Variants in OR3A2 observed in about 807,000 individuals in gnomAD.
OR3A2 encodes olfactory receptor 3A2.
For synonymous variants in OR3A2, 126 were observed against 159.3 expected, an observed-to-expected ratio of 0.79 and a Z score of 1.57; for missense variants, 318 against 392.8, an observed-to-expected ratio of 0.81 and a Z score of 1.61.
In OR3A2 at chr17:3,278,391, T is replaced by A. The variant is rs1003782497; in HGVS notation, c.527A>T (p.Glu176Val). The change falls in exon 2 of 2, where the codon GAG becomes GTG. Residue 176 changes from glutamate (E) to valine (V), a missense_variant. Glu to Val is a moderately radical substitution (Grantham distance 121, BLOSUM62 -2). Coordinates refer to ENST00000642052, the Ensembl canonical transcript of OR3A2. The stretch of plus-strand genomic sequence containing the variant: ...GAGGTCACAGTAGAAGTGATTGACC[T>A]CATTGGGGCCACAGAAGTTGAGCGT... The A allele has an allele frequency of 2.0e-5, 32 of 1,614,128 alleles. No homozygotes were observed. The African/African-American group carries it at 3.2e-4, about 16-fold the overall frequency.
At chr17:3,362,605 C>A (rs143544393) in intron 2 of OR3A2, among the ~76,000 whole-genome samples, 1 of 151,750 alleles carries the variant, frequency 6.6e-6, no homozygotes, top group African/African-American at 2.4e-5. Flanking sequence ...ACCACAGATT[C>A]TGGTACGTTG....
chr17:3,378,486 G>C (rs1379459544), intron 2 of OR3A2, among the ~76,000 whole-genome samples: 1 of 152,168 alleles, frequency 6.6e-6, no homozygotes. Flanking sequence ...CCCTAAGAGT[G>C]CAGGGATGCT....
intron 3 of OR3A2, among the ~76,000 whole-genome samples, chr17:3,331,343 C>T (rs1339748398): frequency 1.3e-5 from 2 of 152,162 alleles, no homozygotes; most frequent in African/African-American, 2.4e-5. Context: ...CCATCACTTT[C>T]AGGTACACCA....
chr17:3,318,516 C>T (rs973376233), intron 3 of OR3A2, among the ~76,000 whole-genome samples: 3 of 152,288 alleles, frequency 2.0e-5, no homozygotes, highest in Non-Finnish European at 4.4e-5. Flanking sequence ...TTATCGAGAC[C>T]GCATTCCTCC....
intron 3 of OR3A2, among the ~76,000 whole-genome samples, chr17:3,330,801 C>G (rs1291305351): frequency 6.6e-6 from 1 of 151,680 alleles, no homozygotes; most frequent in African/African-American, 2.4e-5. Flanking sequence ...CAGTTTCTTC[C>G]TATTCTCGAT....
intron 3 of OR3A2, among the ~76,000 whole-genome samples, chr17:3,318,179 C>G (rs1283908657): frequency 6.6e-6 from 1 of 152,064 alleles, no homozygotes; most frequent in South Asian, 2.1e-4. Flanking sequence ...CTAATTAGCT[C>G]CCAAATGAGA....
intron 2 of OR3A2, among the ~76,000 whole-genome samples, chr17:3,378,638 C>T (rs230406): frequency 0.41 from 61,683 of 151,930 alleles, 12,850 homozygotes; most frequent in Admixed American, 0.52. Context: ...GGCCGCACCT[C>T]CCCTGCTGCA....
chr17:3,329,060 C>T (rs1200988464), intron 3 of OR3A2, among the ~76,000 whole-genome samples: 3 of 151,182 alleles, frequency 2.0e-5, no homozygotes, highest in East Asian at 3.9e-4. Context: ...AGGGATGAAG[C>T]CCACTTGATC....
rs183569371 is a variant in OR3A2 at position 3,279,086 on chromosome 17, G to A, written c.-6-163C>T. The A allele has an allele frequency of 6.0e-5, 75 of 1,243,026 alleles. No homozygotes were observed. The East Asian group carries it at 1.6e-3, about 27-fold the overall frequency. The allele number at this position is 1,243,026 out of a possible 1,614,324, so 77.0% of individuals were successfully genotyped here. A position where few individuals can be genotyped will look rare whatever the true frequency, so the allele number is the denominator to read the frequency against. On this transcript the variant is annotated intron_variant, in intron 1 of 1. Coordinates refer to ENST00000642052, the Ensembl canonical transcript of OR3A2. ...CCTCAATGCCTTTACCTTGCTCTTG[G>A]TTGACATGCCCAATGACACCACCAC...
At chr17:3,382,981 G>C (rs560227525) in intron 2 of OR3A2, among the ~76,000 whole-genome samples, 1 of 152,156 alleles carries the variant, frequency 6.6e-6, no homozygotes, top group Non-Finnish European at 1.5e-5. Flanking sequence ...TGAATTGTAC[G>C]GCTGAGCCAT....
intron 3 of OR3A2, among the ~76,000 whole-genome samples, chr17:3,319,754 T>C (rs545306252): frequency 3.9e-5 from 6 of 152,338 alleles, no homozygotes; most frequent in South Asian, 2.1e-4. Flanking sequence ...ATGTGCCACA[T>C]TTTCTTAATC....
intron 2 of OR3A2, among the ~76,000 whole-genome samples, chr17:3,354,460 A>G (rs950888369): frequency 6.6e-6 from 1 of 151,028 alleles, no homozygotes; most frequent in Non-Finnish European, 1.5e-5. Context: ...TCATCTCATT[A>G]TTATTATTGG....
intron 1 of OR3A2, among the ~76,000 whole-genome samples, chr17:3,281,888 T>C (rs2048778932): frequency 6.6e-6 from 1 of 152,112 alleles, no homozygotes; most frequent in African/African-American, 2.4e-5. Context: ...ACCAAGAATT[T>C]TGATTTAATT....
rs552813007 is a variant in OR3A2, at chr17:3,304,226, G to A, written c.-84-25073C>T. 6.6e-5 allele frequency among the ~76,000 whole-genome samples: 10 copies of A among 152,046 alleles called. No homozygotes were observed. The South Asian group carries it at 1.0e-3, about 16-fold the overall frequency. On this transcript the variant is annotated intron_variant, in intron 3 of 4. Transcript: ENST00000573491. ...ACTGCCTTATAGTGTTTTTCTCTCCGGATGTTAGAGTTTTCTCTCATGCAC... is the reference window on the plus strand; with the variant it reads ...ACTGCCTTATAGTGTTTTTCTCTCCAGATGTTAGAGTTTTCTCTCATGCAC...
At chr17:3,286,833 G>A (rs974186015), upstream of OR3A2, among the ~76,000 whole-genome samples, 3 of 152,108 alleles carry the variant, frequency 2.0e-5, no homozygotes, top group African/African-American at 7.2e-5. Context: ...TTTGTCAGAT[G>A]GATAGATTGC....
chr17:3,363,508 C>T (rs1451883639), intron 2 of OR3A2, among the ~76,000 whole-genome samples: 3 of 151,774 alleles, frequency 2.0e-5, no homozygotes, highest in African/African-American at 7.3e-5. Flanking sequence ...TCACTGTCAG[C>T]ATTTCGGTCA....
At chr17:3,283,567 A>T (rs1421083640) in intron 1 of OR3A2, among the ~76,000 whole-genome samples, 2 of 152,162 alleles carry the variant, frequency 1.3e-5, no homozygotes, top group African/African-American at 2.4e-5. Flanking sequence ...TAAAATGTGT[A>T]CGATATCATC....
intron 3 of OR3A2, among the ~76,000 whole-genome samples, chr17:3,304,813 C>CT (rs11393704): frequency 0.19 from 28,749 of 152,056 alleles, 4,264 homozygotes; most frequent in African/African-American, 0.41. Context: ...CGATGGAATA[C>CT]TTCAGCAATA....
chr17:3,365,409 G>C (rs1312408899), intron 2 of OR3A2, among the ~76,000 whole-genome samples: 1 of 152,218 alleles, frequency 6.6e-6, no homozygotes, highest in African/African-American at 2.4e-5. Flanking sequence ...CTCATGAGTG[G>C]ATGTGTGTCA....
Sources: allele counts gnomAD v4.1 joint callset (sites outside exome capture counted in the v4.1 genomes callset), GRCh38; gene constraint gnomAD v4.1.1; transcripts MANE v1.5; gene names NCBI Gene and HGNC (gene_info 2026-07-23, HGNC 2026-07-21).